TARS2: variants seen among roughly 807,000 people sequenced by gnomAD.
TARS2 encodes threonine--tRNA ligase, mitochondrial.
In TARS2, 61 loss-of-function variants were observed where a neutral mutation model predicts 94.4. The ratio of observed to expected loss-of-function variants is 0.65; its 90% CI spans 0.53 to 0.80. The LOEUF (loss-of-function observed/expected upper bound fraction) is 0.80, where lower values mean the gene tolerates loss of function less well. Ranked by LOEUF, TARS2 falls within the 30% of genes least tolerant of loss-of-function variation. TARS2 has a pLI of 0.00. For synonymous variants in TARS2, 359 were observed against 353.4 expected, an observed-to-expected ratio of 1.02 and a Z score of -0.18; for missense variants, 704 against 902.5, an observed-to-expected ratio of 0.78 and a Z score of 2.82.
At chr1:150,504,611 C>CA (rs1253883717) in intron 14 of TARS2, 21 bp from the exon 15 acceptor site, 3 of 1,609,054 alleles carry the variant, frequency 1.9e-6, no homozygotes, top group Non-Finnish European at 1.7e-6. Flanking sequence ...TTCCATCCAC[C>CA]CCCCCCTTTT....
At chr1:150,506,006 T>C (rs1670185103) in intron 17 of TARS2, among the ~76,000 whole-genome samples, 3 of 152,228 alleles carry the variant, frequency 2.0e-5, no homozygotes, top group Admixed American at 2.0e-4. Flanking sequence ...GGAGGGTTAA[T>C]ACAGCGTTAA....
chr1:150,504,236 G>A, intron 13 of TARS2, 99 bp from the exon 14 acceptor site: 1 of 1,112,136 alleles, frequency 9.0e-7, no homozygotes, highest in East Asian at 2.5e-5. Flanking sequence ...AGCCCGGGAT[G>A]AGGGTAGGTT....
In TARS2 at chr1:150,492,451, C is replaced by A. The variant is rs763015481; in HGVS notation, c.736C>A (p.Arg246=). ...TGACCTTTGCCAGGGCCCCCACCTTCGGCATACTGGACAGATTGGAGGACT... is the reference window on the plus strand; with the variant it reads ...TGACCTTTGCCAGGGCCCCCACCTTAGGCATACTGGACAGATTGGAGGACT... The part of the protein sequence containing the change: ...LVDLCQGPHL[R]HTGQIGGLKL... Residue 246 remains arginine, a synonymous_variant, in exon 7 of 18, where the codon CGG becomes AGG. Coordinates refer to ENST00000369064, the MANE Select transcript of TARS2 (RefSeq NM_025150.5). 4 of 1,613,944 alleles carry A rather than the reference C, an allele frequency of 2.5e-6. No homozygotes were observed. The highest frequency in any genetic ancestry group is 3.4e-6 in the Non-Finnish European group (4 of 1,179,942).
chr1:150,505,431 T>C (rs981495377), intron 16 of TARS2, among the ~76,000 whole-genome samples, 160 bp from the exon 17 acceptor site: 6 of 151,822 alleles, frequency 4.0e-5, no homozygotes, highest in African/African-American at 1.5e-4. Context: ...GAGGCCTCAA[T>C]GTGGAGATGA....
At chr1:150,506,484 G>GCACA (rs777723888) in intron 17 of TARS2, among the ~76,000 whole-genome samples, 32,172 of 93,184 alleles carry the variant, frequency 0.35, 5,197 homozygotes, top group Non-Finnish European at 0.42. Context: ...AGACACGCGC[G>GCACA]CGCACACACA....
intron 7 of TARS2, among the ~76,000 whole-genome samples, chr1:150,493,954 C>T (rs1458281181): frequency 6.6e-6 from 1 of 152,028 alleles, no homozygotes; most frequent in Non-Finnish European, 1.5e-5. Flanking sequence ...ATCAGCCTGG[C>T]CAACATGGCA....
At chr1:150,490,801 C>T (rs1346159914) in intron 4 of TARS2, 76 bp downstream of exon 4, 35 of 1,593,628 alleles carry the variant, frequency 2.2e-5, no homozygotes, top group Non-Finnish European at 2.9e-5. Flanking sequence ...TGGGCATGCT[C>T]CATTTGGATG....
Position 150,490,718 on chromosome 1 carries a change from A to C in TARS2, c.505A>C (p.Lys169Gln). Residue 169 changes from lysine (K) to glutamine (Q), a missense_variant, in exon 4 of 18, where the codon AAG becomes CAG. Around this residue, in one of 3 missense-constraint regions of TARS2, gnomAD observed 208 missense variants for 228.5 expected, o/e 0.91. Coordinates refer to ENST00000369064, the MANE Select transcript of TARS2 (RefSeq NM_025150.5). ...YGFYHDFFLG[K>Q]ERTIRGSELP... ...CTTTTACCATGATTTCTTCCTGGGA[A>C]AGGAGAGGTGAGTAATGAAAGGAAG... is the stretch of plus-strand genomic sequence containing the variant. 2 of 1,613,658 alleles carry C rather than the reference A, an allele frequency of 1.2e-6. No homozygotes were observed. The highest frequency in any genetic ancestry group is 2.2e-5 in the East Asian group (1 of 44,864).
chr1:150,501,058 G>T (rs1038903036), intron 13 of TARS2, among the ~76,000 whole-genome samples: 3 of 151,966 alleles, frequency 2.0e-5, no homozygotes, highest in African/African-American at 7.3e-5. Context: ...CCCATCCCAT[G>T]GTATCAATTA....
At chr1:150,488,089 C>T in intron 2 of TARS2, 35 bp downstream of exon 2, 1 of 1,599,430 alleles carries the variant, frequency 6.3e-7, no homozygotes, top group Non-Finnish European at 8.5e-7. Flanking sequence ...CAGGATTATC[C>T]TTCTGCCCCT....
chr1:150,493,062 T>C (rs983583313), intron 7 of TARS2, among the ~76,000 whole-genome samples: 3 of 151,942 alleles, frequency 2.0e-5, no homozygotes, highest in African/African-American at 7.2e-5. Context: ...TTTGTATTTT[T>C]AGTAGAGACA....
At position 150,497,585 on chromosome 1, in the gene TARS2, C is replaced by T. The variant is rs115720584; in HGVS notation, c.1076C>T (p.Thr359Met). The T allele has an allele frequency of 0.015, 24,844 of 1,614,048 alleles. 213 individuals are homozygous for T. The highest frequency in any genetic ancestry group is 0.019 in the Non-Finnish European group (21,892 of 1,179,990). ...SEVKTPTLFS[T>M]KLWEQSGHWE... ...GTGAAAACTCCCACACTGTTTTCTA[C>T]GAAGCTCTGGGAACAGTCAGGGCAC... The change falls in exon 10 of 18, where the codon ACG becomes ATG. Residue 359 changes from threonine (T) to methionine (M), a missense_variant. Around this residue, in one of 3 missense-constraint regions of TARS2, gnomAD observed 466 missense variants for 609.5 expected, o/e 0.76. Coordinates refer to ENST00000369064, the MANE Select transcript of TARS2 (RefSeq NM_025150.5).
chr1:150,488,141 G>C (rs1216072487), intron 2 of TARS2, 87 bp downstream of exon 2: 6 of 1,462,040 alleles, frequency 4.1e-6, no homozygotes, highest in Non-Finnish European at 5.6e-6. Context: ...AACTTGGTCT[G>C]CTTGTTTCTG....
Position 150,500,405 on chromosome 1 carries a change from C to T in TARS2, c.1617+1112C>T, listed in dbSNP as rs1034454230. On this transcript the variant is annotated intron_variant, in intron 13 of 17. Coordinates refer to ENST00000369064, the MANE Select transcript of TARS2 (RefSeq NM_025150.5). ...AGGAGTTCGAGACCAGCCTGGCCAACGTGGCGAAACCCCATCTCTACTAAA... is the reference window on the plus strand; with the variant it reads ...AGGAGTTCGAGACCAGCCTGGCCAATGTGGCGAAACCCCATCTCTACTAAA... Among the ~76,000 whole-genome samples, 12 of 150,486 alleles carry T rather than the reference C, an allele frequency of 8.0e-5. No individual in the cohort carries two copies. In the East Asian group the frequency reaches 1.6e-3, roughly 20 times the overall value.
chr1:150,489,228 T>A, intron 3 of TARS2, 141 bp downstream of exon 3: 2 of 1,290,924 alleles, frequency 1.5e-6, no homozygotes, highest in Non-Finnish European at 2.2e-6. Context: ...TCTTGACTAT[T>A]TCTGGTTAGG....
At chr1:150,504,761 C>G in intron 15 of TARS2, 28 bp downstream of exon 15, 1 of 1,613,304 alleles carries the variant, frequency 6.2e-7, no homozygotes, top group South Asian at 1.1e-5. Flanking sequence ...GATTTCTGTT[C>G]TGGCCCCAAA....
At chr1:150,506,516 A>ACACAGT (rs1553906095) in intron 17 of TARS2, among the ~76,000 whole-genome samples, 1 of 131,224 alleles carries the variant, frequency 7.6e-6, no homozygotes, top group Non-Finnish European at 1.6e-5. Flanking sequence ...ACACACACAC[A>ACACAGT]GTTTCTCTCT....
chr1:150,503,669 ATG>A (rs1670059831), intron 13 of TARS2, among the ~76,000 whole-genome samples: 2 of 149,732 alleles, frequency 1.3e-5, no homozygotes, highest in African/African-American at 2.5e-5. Flanking sequence ...GTGTGTATAT[ATG>A]TGTGTATATA....
intron 9 of TARS2, 138 bp downstream of exon 9, chr1:150,497,046 G>A: frequency 1.3e-6 from 1 of 774,840 alleles, no homozygotes; most frequent in Non-Finnish European, 2.0e-6. Flanking sequence ...ACTTTCGGAG[G>A]CTGAGCCGTG....
Sources: allele counts gnomAD v4.1 joint callset (sites outside exome capture counted in the v4.1 genomes callset), GRCh38; gene constraint gnomAD v4.1.1; regional missense constraint gnomAD v4.1.1; transcripts MANE v1.5; gene names NCBI Gene and HGNC (gene_info 2026-07-23, HGNC 2026-07-21).